SH3KBP1: variants seen among roughly 807,000 people sequenced by gnomAD.
SH3KBP1 encodes SH3 domain containing kinase binding protein 1.
Under a neutral mutation model 50.1 loss-of-function variants are expected in SH3KBP1, and 8 were observed. That is an observed-to-expected ratio of 0.16 (90% confidence interval 0.09 to 0.29). The LOEUF (loss-of-function observed/expected upper bound fraction) is 0.29. Among genes scored for constraint, SH3KBP1 ranks in the 10% least tolerant of loss-of-function variants. The pLI is 1.00. For synonymous variants in SH3KBP1, 227 were observed against 218.6 expected (o/e 1.04, Z -0.34); for missense variants, 377 against 535.2 (o/e 0.70, Z 2.92).
chrX:19,576,754 C>T (rs1271035943), intron 12 of SH3KBP1, among the ~76,000 whole-genome samples: 2 of 112,181 alleles, frequency 1.8e-5, no homozygotes, highest in African/African-American at 6.5e-5. Flanking sequence ...CACAACCACC[C>T]CTTGAGGTAC....
chrX:19,878,315 T>C (rs1338365485), intron 1 of SH3KBP1, among the ~76,000 whole-genome samples: 1 of 106,400 alleles, frequency 9.4e-6, no homozygotes, highest in Non-Finnish European at 1.9e-5. Context: ...TTTTTTTTTT[T>C]TTCCTTGAGA....
chrX:19,664,323 A>G (rs896318328), intron 6 of SH3KBP1, among the ~76,000 whole-genome samples: 1 of 111,356 alleles, frequency 9.0e-6, no homozygotes, highest in Admixed American at 9.5e-5. Context: ...ACTCAATTTC[A>G]TGCCAAGATG....
chrX:19,781,612 G>A (rs1435592765), intron 2 of SH3KBP1, among the ~76,000 whole-genome samples: 3 of 105,104 alleles, frequency 2.9e-5, no homozygotes, highest in African/African-American at 1.0e-4. Context: ...AGTGGGACTC[G>A]GTCACAAAAA....
chrX:19,874,086 T>TATATATATATATAA (rs1206834816), intron 1 of SH3KBP1, among the ~76,000 whole-genome samples: 1 of 86,448 alleles, frequency 1.2e-5, no homozygotes, highest in African/African-American at 5.1e-5. Context: ...TATATATATA[T>TATATATATATATAA]AAAACTCTAA....
chrX:19,802,312 T>C (rs2147241255), intron 2 of SH3KBP1, among the ~76,000 whole-genome samples: 1 of 110,930 alleles, frequency 9.0e-6, no homozygotes, highest in Admixed American at 9.5e-5. Flanking sequence ...CAAGAATCAC[T>C]GGAACCTGGG....
At chrX:19,569,576 C>T (rs1488007303) in intron 12 of SH3KBP1, among the ~76,000 whole-genome samples, 3 of 112,471 alleles carry the variant, frequency 2.7e-5, no homozygotes, top group African/African-American at 9.7e-5. Flanking sequence ...TTAGCCAATG[C>T]TGCTTGTCAA....
intron 1 of SH3KBP1, among the ~76,000 whole-genome samples, chrX:19,876,149 G>A (rs1186941014): frequency 2.7e-5 from 3 of 111,561 alleles, no homozygotes; most frequent in East Asian, 2.8e-4. Context: ...ACCTGAGGTC[G>A]GGAGTTCCAG....
intron 6 of SH3KBP1, among the ~76,000 whole-genome samples, chrX:19,672,308 G>C (rs1473854655): frequency 8.9e-6 from 1 of 111,887 alleles, no homozygotes; most frequent in Admixed American, 9.5e-5. Flanking sequence ...CTCCCTCAAG[G>C]AGGTAGAATG....
chrX:19,628,443 G>C lies in SH3KBP1; in HGVS notation c.897+3421C>G, dbSNP rs763011789. ...TGGCTGAGGAAACTCAGACTCAGAG[G>C]GGGTAAGCAACATGCCCGAAAAGAC... is the stretch of plus-strand genomic sequence containing the variant. On this transcript the variant is annotated intron_variant, in intron 8 of 17. Coordinates refer to ENST00000397821, the MANE Select transcript of SH3KBP1 (RefSeq NM_031892.3). 1.4e-4 allele frequency among the ~76,000 whole-genome samples: 16 copies of C among 111,232 alleles called. No homozygotes were observed. In the East Asian group the frequency reaches 2.8e-3, roughly 20 times the overall value.
At chrX:19,795,495 T>TTCC (rs1176769530) in intron 2 of SH3KBP1, among the ~76,000 whole-genome samples, 3 of 111,303 alleles carry the variant, frequency 2.7e-5, no homozygotes, top group African/African-American at 6.5e-5. Context: ...GCCTTGCCCT[T>TTCC]TCCTCCTCCT....
At position 19,551,550 on chromosome X, in the gene SH3KBP1, C is replaced by CTTTTTTTT. The variant is rs397800260; in HGVS notation, c.1385-1475_1385-1468dup. On this transcript the variant is annotated intron_variant, in intron 13 of 17. Transcript: ENST00000397821. Reference sequence around the variant, plus strand: ...CTTTCTTTTCTTTCCCTCCCTCCCTCTTTTTTTTTTTTTTGACAGGGTCTT... The same window carrying CTTTTTTTT: ...CTTTCTTTTCTTTCCCTCCCTCCCTCTTTTTTTTTTTTTTTTTTTTTTGACAGGGTCTT... Among the ~76,000 whole-genome samples the CTTTTTTTT allele has an allele frequency of 2.5e-3, 241 of 95,142 alleles. 17 individuals carry two copies. The highest frequency in any genetic ancestry group is 9.9e-3 in the African/African-American group (230 of 23,226). The allele number at this position is 95,142 out of a possible 115,157, so 82.6% of individuals were successfully genotyped here.
chrX:19,672,363 T>C (rs762554690), intron 6 of SH3KBP1, among the ~76,000 whole-genome samples: 2 of 112,008 alleles, frequency 1.8e-5, no homozygotes, highest in South Asian at 7.4e-4. Flanking sequence ...GTACCCTTTT[T>C]CCAAAGAGTC....
intron 9 of SH3KBP1, among the ~76,000 whole-genome samples, chrX:19,600,167 G>A (rs1019338741): frequency 2.8e-5 from 3 of 107,635 alleles, no homozygotes; most frequent in Non-Finnish European, 5.7e-5. Context: ...GAGATTGCCT[G>A]CACTCAGGAG....
chrX:19,547,339 T>C (rs2065115504), intron 14 of SH3KBP1, among the ~76,000 whole-genome samples: 1 of 111,640 alleles, frequency 9.0e-6, no homozygotes, highest in East Asian at 2.8e-4. Context: ...GCTTCATCTC[T>C]ATGCTTTCTA....
chrX:19,721,503 T>C (rs1025814413), intron 3 of SH3KBP1, among the ~76,000 whole-genome samples: 1 of 112,451 alleles, frequency 8.9e-6, no homozygotes, highest in Non-Finnish European at 1.9e-5. Context: ...GTTGCTATAA[T>C]AAAGCATATG....
chrX:19,778,801 G>A (rs1020840497), intron 2 of SH3KBP1, among the ~76,000 whole-genome samples: 6 of 110,413 alleles, frequency 5.4e-5, no homozygotes, highest in Non-Finnish European at 7.6e-5. Context: ...GGGCAGAACC[G>A]ACTAGTGGAG....
At chrX:19,550,185 G>A in intron 13 of SH3KBP1, 102 bp from the exon 14 acceptor site, 1 of 538,092 alleles carries the variant, frequency 1.9e-6, no homozygotes, top group Non-Finnish European at 3.1e-6. Context: ...CTTTCTGTCT[G>A]GATTACACTT....
At chrX:19,657,286 C>T (rs2062304119) in intron 6 of SH3KBP1, among the ~76,000 whole-genome samples, 2 of 106,082 alleles carry the variant, frequency 1.9e-5, no homozygotes, top group Admixed American at 1.0e-4. Context: ...AGGGCTGAGG[C>T]GGGAAGATCG....
intron 1 of SH3KBP1, among the ~76,000 whole-genome samples, chrX:19,838,812 G>A (rs113075382): frequency 7.5e-5 from 8 of 106,213 alleles, no homozygotes; most frequent in African/African-American, 2.8e-4. Context: ...GCTTGAAACC[G>A]GAAGGCGGAG....
Sources: gnomAD v4.1 joint callset for allele counts (sites outside exome capture counted in the v4.1 genomes callset) on GRCh38, gnomAD v4.1.1 for gene constraint, MANE v1.5 for transcripts, NCBI Gene and HGNC (gene_info 2026-07-23, HGNC 2026-07-21) for gene names.